The following ATP6V1H variants were observed in gnomAD, a reference collection of about 807,000 sequenced individuals.
The protein encoded by ATP6V1H is ATPase H+ transporting V1 subunit H.
Under a neutral mutation model 71.7 loss-of-function variants are expected in ATP6V1H, and 39 were observed. The ratio of observed to expected loss-of-function variants is 0.54; its 90% CI spans 0.42 to 0.71. ATP6V1H has a LOEUF of 0.71. ATP6V1H is among the 30% of genes least tolerant of loss of function. The probability of loss-of-function intolerance (pLI) is 0.00; values close to 1 mark genes in which losing one functional copy is unlikely to be tolerated. For synonymous variants in ATP6V1H, 192 were observed against 199.3 expected, an observed-to-expected ratio of 0.96 and a Z score of 0.31; for missense variants, 509 against 594.9, an observed-to-expected ratio of 0.86 and a Z score of 1.50.
At chr8:53,838,290 TA>T (rs1486196647) in intron 2 of ATP6V1H, among the ~76,000 whole-genome samples, 1 of 152,110 alleles carries the variant, frequency 6.6e-6, no homozygotes, top group East Asian at 1.9e-4. Context: ...CACACACGGC[TA>T]ATTTTTTAGT....
chr8:53,831,486 G>A (rs897837099), intron 3 of ATP6V1H, among the ~76,000 whole-genome samples: 1 of 152,198 alleles, frequency 6.6e-6, no homozygotes, highest in Admixed American at 6.5e-5. Context: ...GTGCATGACA[G>A]TATAGAAGCA....
At position 53,737,032 on chromosome 8, in the gene ATP6V1H, T is replaced by C. The variant is rs561063262; in HGVS notation, c.1391+6545A>G. 3.3e-5 allele frequency among the ~76,000 whole-genome samples: 5 copies of C among 152,308 alleles called. No homozygotes were observed. In the South Asian group the frequency reaches 8.3e-4, roughly 25 times the overall value. On this transcript the variant is annotated intron_variant, in intron 13 of 13. Transcript: ENST00000359530. Reference sequence around the variant, plus strand: ...TGATGCATGCAGCCCCAGCCACATATCCCTTGCTTGCTCAATTGATCACAA... The same window carrying C: ...TGATGCATGCAGCCCCAGCCACATACCCCTTGCTTGCTCAATTGATCACAA...
intron 9 of ATP6V1H, among the ~76,000 whole-genome samples, chr8:53,786,129 C>T (rs1365862083): frequency 2.0e-5 from 3 of 152,196 alleles, no homozygotes; most frequent in African/African-American, 4.8e-5. Context: ...GTGCCATGCC[C>T]CCAGAGGTGG....
At chr8:53,766,543 G>A (rs542167814) in intron 11 of ATP6V1H, among the ~76,000 whole-genome samples, 2 of 152,348 alleles carry the variant, frequency 1.3e-5, no homozygotes, top group East Asian at 3.9e-4. Context: ...CCACTGGTGA[G>A]CAGGGCAGAA....
At chr8:53,748,483 TTC>T (rs1301656306) in intron 12 of ATP6V1H, among the ~76,000 whole-genome samples, 1 of 152,226 alleles carries the variant, frequency 6.6e-6, no homozygotes, top group Non-Finnish European at 1.5e-5. Flanking sequence ...CAGATGTTAA[TTC>T]TGTTTTCTTA....
At chr8:53,826,480 G>T (rs1472515731) in intron 4 of ATP6V1H, among the ~76,000 whole-genome samples, 2 of 152,110 alleles carry the variant, frequency 1.3e-5, no homozygotes, top group African/African-American at 4.8e-5. Context: ...ACAGAACAGG[G>T]AGATGAGATC....
At chr8:53,830,126 C>T (rs1431089530) in intron 3 of ATP6V1H, among the ~76,000 whole-genome samples, 1 of 152,148 alleles carries the variant, frequency 6.6e-6, no homozygotes, top group Non-Finnish European at 1.5e-5. Context: ...TATTATGGGG[C>T]CAAGTTCTAA....
chr8:53,816,613 T>C (rs142906721), intron 5 of ATP6V1H, among the ~76,000 whole-genome samples: 3 of 152,056 alleles, frequency 2.0e-5, no homozygotes, highest in Non-Finnish European at 4.4e-5. Flanking sequence ...CTGGCCAACA[T>C]GGTGAAATCC....
chr8:53,826,335 T>C (rs1810821269), intron 4 of ATP6V1H, among the ~76,000 whole-genome samples: 1 of 152,214 alleles, frequency 6.6e-6, no homozygotes, highest in East Asian at 1.9e-4. Flanking sequence ...CACAAAAATA[T>C]ATTTGCACAA....
chr8:53,803,432 C>T lies in ATP6V1H; in HGVS notation c.580-1536G>A, dbSNP rs554266265. 2.2e-3 allele frequency among the ~76,000 whole-genome samples: 337 copies of T among 152,210 alleles called. 2 individuals are homozygous for T. Among genetic ancestry groups the T allele is most frequent in the African/African-American group, 7.8e-3 (326 of 41,538 alleles). ...AACATGCTAATTTCAAAAAGAATTTCTTAAGGAAAGAATCACAGGTGTTAT... is the reference window on the plus strand; with the variant it reads ...AACATGCTAATTTCAAAAAGAATTTTTTAAGGAAAGAATCACAGGTGTTAT... On this transcript the variant is annotated intron_variant, in intron 7 of 13. Coordinates refer to ENST00000359530, the MANE Select transcript of ATP6V1H (RefSeq NM_015941.4).
At chr8:53,791,187 C>G (rs1809553307) in intron 9 of ATP6V1H, among the ~76,000 whole-genome samples, 1 of 152,096 alleles carries the variant, frequency 6.6e-6, no homozygotes, top group African/African-American at 2.4e-5. Context: ...CCACAGTGAA[C>G]AAATTTAAAA....
chr8:53,816,745 G>A (rs1442962651), intron 5 of ATP6V1H, among the ~76,000 whole-genome samples: 1 of 152,042 alleles, frequency 6.6e-6, no homozygotes, highest in Non-Finnish European at 1.5e-5. Flanking sequence ...GCAGCAAGCC[G>A]AGATCGCACA....
chr8:53,774,621 C>T (rs755510422), intron 9 of ATP6V1H, among the ~76,000 whole-genome samples: 27 of 151,704 alleles, frequency 1.8e-4, no homozygotes, highest in Non-Finnish European at 3.2e-4. Flanking sequence ...TCCACAGAAA[C>T]CAACTATAAA....
intron 5 of ATP6V1H, among the ~76,000 whole-genome samples, chr8:53,815,205 T>C (rs956664900): frequency 4.6e-5 from 7 of 152,202 alleles, no homozygotes; most frequent in African/African-American, 1.2e-4. Flanking sequence ...TAAAAATCCA[T>C]TTCTTAGGAT....
intron 9 of ATP6V1H, among the ~76,000 whole-genome samples, chr8:53,778,668 A>C (rs1409754032): frequency 6.6e-6 from 1 of 152,222 alleles, no homozygotes; most frequent in Non-Finnish European, 1.5e-5. Flanking sequence ...AAGAACAAAA[A>C]ACAGATAAGC....
intron 9 of ATP6V1H, among the ~76,000 whole-genome samples, chr8:53,777,207 CA>C (rs1808921251): frequency 6.6e-6 from 1 of 152,124 alleles, no homozygotes; most frequent in African/African-American, 2.4e-5. Flanking sequence ...TGCAACTCTA[CA>C]AATCTGTAAC....
At chr8:53,772,331 T>C (rs1272673667) in intron 9 of ATP6V1H, among the ~76,000 whole-genome samples, 164 bp from the exon 10 acceptor site, 1 of 152,174 alleles carries the variant, frequency 6.6e-6, no homozygotes, top group African/African-American at 2.4e-5. Flanking sequence ...CGCTCCTGAG[T>C]GTCTGTCCCA....
chr8:53,826,153 T>C (rs1328882288), intron 4 of ATP6V1H, among the ~76,000 whole-genome samples: 2 of 152,168 alleles, frequency 1.3e-5, no homozygotes, highest in African/African-American at 4.8e-5. Context: ...TGTAACAGCT[T>C]GACAATGCCC....
intron 9 of ATP6V1H, among the ~76,000 whole-genome samples, chr8:53,794,929 A>C (rs1011351233): frequency 6.6e-6 from 1 of 152,240 alleles, no homozygotes; most frequent in Admixed American, 6.5e-5. Flanking sequence ...TAGGCACTAT[A>C]TGGGACATGT....
Sources: gnomAD v4.1 joint callset for allele counts (sites outside exome capture counted in the v4.1 genomes callset) on GRCh38, gnomAD v4.1.1 for gene constraint, MANE v1.5 for transcripts, NCBI Gene and HGNC (gene_info 2026-07-23, HGNC 2026-07-21) for gene names.